Variants in MED27 observed in about 807,000 individuals in gnomAD.
MED27 encodes mediator complex subunit 27.
In MED27, 30 loss-of-function variants were observed where a neutral mutation model predicts 38.2. That is an observed-to-expected ratio of 0.79 (90% confidence interval 0.59 to 1.07). The LOEUF (loss-of-function observed/expected upper bound fraction) is 1.07, where lower values mean the gene tolerates loss of function less well. MED27 is among the 50% of genes least tolerant of loss of function. The pLI, the probability that MED27 is intolerant of heterozygous loss-of-function variation, is 0.00. For synonymous variants in MED27, 122 were observed against 153.5 expected (o/e 0.79, Z 1.52); for missense variants, 289 against 397.5 (o/e 0.73, Z 2.32).
At chr9:132,016,004 T>C (rs1832594129) in intron 2 of MED27, among the ~76,000 whole-genome samples, 1 of 152,246 alleles carries the variant, frequency 6.6e-6, no homozygotes, top group Non-Finnish European at 1.5e-5. Flanking sequence ...TCTAAAGCTC[T>C]GAATCAATTT....
At chr9:131,986,566 G>C (rs1831854423) in intron 3 of MED27, among the ~76,000 whole-genome samples, 1 of 151,996 alleles carries the variant, frequency 6.6e-6, no homozygotes, top group African/African-American at 2.4e-5. Context: ...ACTTACCATT[G>C]TCTTACACTG....
intron 6 of MED27, chr9:131,869,178 A>G (rs1838785538): frequency 1.0e-6 from 1 of 985,218 alleles, no homozygotes; most frequent in Non-Finnish European, 1.2e-6. Flanking sequence ...GAGCTGATGA[A>G]CTCGCCATGT....
At chr9:132,037,024 G>A (rs998727114) in intron 2 of MED27, among the ~76,000 whole-genome samples, 9 of 152,164 alleles carry the variant, frequency 5.9e-5, no homozygotes, top group African/African-American at 2.2e-4. Flanking sequence ...AGCAGAGCAA[G>A]GAGAGCTTGG....
At chr9:132,073,092 G>C (rs1833976839) in intron 2 of MED27, among the ~76,000 whole-genome samples, 1 of 152,046 alleles carries the variant, frequency 6.6e-6, no homozygotes, top group Admixed American at 6.5e-5. Flanking sequence ...GGGCACACCA[G>C]GTGACAGATG....
intron 4 of MED27, among the ~76,000 whole-genome samples, chr9:131,899,135 C>T (rs1213213257): frequency 6.6e-6 from 1 of 152,186 alleles, no homozygotes; most frequent in Non-Finnish European, 1.5e-5. Flanking sequence ...TTACTTGGCC[C>T]AAACCCCTGT....
intron 4 of MED27, among the ~76,000 whole-genome samples, chr9:131,899,589 A>G (rs1296588613): frequency 2.6e-5 from 4 of 152,286 alleles, no homozygotes; most frequent in African/African-American, 9.6e-5. Context: ...CGATCCATGT[A>G]AAACTTGGGC....
chr9:131,869,299 C>T, intron 6 of MED27: 3 of 985,186 alleles, frequency 3.0e-6, no homozygotes, highest in Non-Finnish European at 3.6e-6. Context: ...TGTCAAAGCA[C>T]TCCACCTTCA....
intron 3 of MED27, among the ~76,000 whole-genome samples, chr9:131,953,654 G>T (rs1168271084): frequency 1.3e-5 from 2 of 151,864 alleles, no homozygotes; most frequent in Non-Finnish European, 2.9e-5. Flanking sequence ...CTGGCCAAAG[G>T]TTATGGCAAA....
At position 131,982,697 on chromosome 9, in the gene MED27, T is replaced by C. The variant is rs552900122; in HGVS notation, c.479+31640A>G. On this transcript the variant is annotated intron_variant, in intron 3 of 7. Transcript: ENST00000292035. This position sits in a 1 kb window ranked among gnomAD's most constrained non-coding sequence, Gnocchi z 4.3. ...GGGACACTAGAGGTGGTCCTCTAAA[T>C]TGGGGACCAACAAACATCTTCTTGA... Among the ~76,000 whole-genome samples the C allele has an allele frequency of 1.3e-5, 2 of 152,254 alleles. No homozygotes were observed. Among genetic ancestry groups the C allele is most frequent in the East Asian group, 3.9e-4 (2 of 5,172 alleles).
At chr9:131,884,013 G>A (rs1839093380) in intron 6 of MED27, 45 bp downstream of exon 6, 9 of 1,555,930 alleles carry the variant, frequency 5.8e-6, no homozygotes, top group Admixed American at 1.7e-5. Context: ...AAGCATTCAC[G>A]TTTTCCTAAT....
intron 3 of MED27, among the ~76,000 whole-genome samples, chr9:131,979,831 ATGGCTGGCTGGCTGGC>A (rs71374157): frequency 1.3e-5 from 2 of 150,516 alleles, no homozygotes; most frequent in East Asian, 2.0e-4. Flanking sequence ...TGAAAACAAG[ATGGCTGGCTGGCTGGC>A]TGGCTGGCTG....
intron 3 of MED27, among the ~76,000 whole-genome samples, chr9:131,948,997 C>T (rs1367775213): frequency 1.3e-5 from 2 of 152,224 alleles, no homozygotes; most frequent in African/African-American, 4.8e-5. Flanking sequence ...TATAAACCAA[C>T]CTGCCTACCT....
chr9:131,910,193 C>G (rs1356287015), intron 4 of MED27, among the ~76,000 whole-genome samples: 2 of 152,180 alleles, frequency 1.3e-5, no homozygotes, highest in African/African-American at 4.8e-5. Context: ...CACCTCTACC[C>G]CTATATTTTA....
At chr9:132,059,669 A>G (rs1417103398) in intron 2 of MED27, among the ~76,000 whole-genome samples, 2 of 152,216 alleles carry the variant, frequency 1.3e-5, no homozygotes. Context: ...CCATTTGTAC[A>G]TCATGGCTGG....
At chr9:132,042,383 G>A (rs1353109389) in intron 2 of MED27, among the ~76,000 whole-genome samples, 1 of 152,186 alleles carries the variant, frequency 6.6e-6, no homozygotes, top group Non-Finnish European at 1.5e-5. Context: ...TTTTACAGAT[G>A]AGAAAACAGG....
At chr9:131,876,955 C>A (rs1838945591) in intron 6 of MED27, among the ~76,000 whole-genome samples, 2 of 152,210 alleles carry the variant, frequency 1.3e-5, no homozygotes, top group Admixed American at 1.3e-4. Flanking sequence ...ACATTCTGTC[C>A]TTACAACATA....
At chr9:131,905,728 CAGAAA>C (rs1830048821) in intron 4 of MED27, among the ~76,000 whole-genome samples, 1 of 113,608 alleles carries the variant, frequency 8.8e-6, no homozygotes. Flanking sequence ...AAAAAAAAAA[CAGAAA>C]AAGAAAAAGA....
chr9:131,877,419 C>T (rs1380885714), intron 6 of MED27, among the ~76,000 whole-genome samples: 1 of 151,982 alleles, frequency 6.6e-6, no homozygotes, highest in Non-Finnish European at 1.5e-5. Flanking sequence ...TACACACACA[C>T]ACACAAATTA....
chr9:132,016,775 G>A (rs986974577), intron 2 of MED27, among the ~76,000 whole-genome samples: 2 of 152,220 alleles, frequency 1.3e-5, no homozygotes, highest in African/African-American at 2.4e-5. Context: ...TTGAGTGGAG[G>A]AGGCCTGCTA....
Sources: gnomAD v4.1 joint callset for allele counts (sites outside exome capture counted in the v4.1 genomes callset) on GRCh38, gnomAD v4.1.1 for gene constraint, Gnocchi (gnomAD v3.1) non-coding constraint, MANE v1.5 for transcripts, NCBI Gene and HGNC (gene_info 2026-07-23, HGNC 2026-07-21) for gene names.